Variants in ASTN2 observed in about 807,000 individuals in gnomAD.
ASTN2 encodes the protein astrotactin-2.
Under a neutral mutation model 139.8 loss-of-function variants are expected in ASTN2, and 54 were observed. The ratio of observed to expected loss-of-function variants is 0.39; its 90% CI spans 0.31 to 0.48. The LOEUF is 0.48. ASTN2 is among the 20% of genes least tolerant of loss of function. ASTN2 has a pLI of 0.95. For missense variants in ASTN2, 1,565 were observed against 1,725.1 expected (o/e 0.91, Z 1.64); for synonymous variants, 756 against 719.5 (o/e 1.05, Z -0.81).
intron 2 of ASTN2, among the ~76,000 whole-genome samples, chr9:117,226,183 CTCTTGCCCAAAATGTGACAGA>C (rs1254720819): frequency 6.6e-6 from 1 of 152,192 alleles, no homozygotes; most frequent in Non-Finnish European, 1.5e-5. Flanking sequence ...ATCAAGTACA[CTCTTGCCCAAAATGTGACAGA>C]AGACTGGATA....
At chr9:117,294,330 T>C (rs1413713600) in intron 1 of ASTN2, among the ~76,000 whole-genome samples, 1 of 152,256 alleles carries the variant, frequency 6.6e-6, no homozygotes, top group Non-Finnish European at 1.5e-5. Flanking sequence ...ATAATAACAG[T>C]GTGTGAAACA....
intron 20 of ASTN2, among the ~76,000 whole-genome samples, chr9:116,456,075 T>A (rs776624811): frequency 9.9e-5 from 15 of 151,882 alleles, no homozygotes; most frequent in Non-Finnish European, 1.9e-4. Context: ...TGAAGTCAAA[T>A]TATCCTTATT....
At chr9:116,805,307 T>C (rs1831001965) in intron 13 of ASTN2, among the ~76,000 whole-genome samples, 1 of 152,200 alleles carries the variant, frequency 6.6e-6, no homozygotes, top group Non-Finnish European at 1.5e-5. Flanking sequence ...AAAATACTTA[T>C]TTTTCAGTAG....
At chr9:116,687,307 T>G (rs1033402728) in intron 16 of ASTN2, 5 of 982,302 alleles carry the variant, frequency 5.1e-6, no homozygotes, top group Non-Finnish European at 6.0e-6. Flanking sequence ...CAAGGGGTGC[T>G]CAACGGCGCG....
intron 2 of ASTN2, among the ~76,000 whole-genome samples, chr9:117,268,513 C>G (rs75732660): frequency 3.3e-5 from 5 of 152,146 alleles, no homozygotes; most frequent in African/African-American, 1.2e-4. Context: ...GTGTTCCCAC[C>G]GTCTAAGGTC....
chr9:116,993,252 C>T (rs1247700777), intron 7 of ASTN2, among the ~76,000 whole-genome samples: 1 of 152,124 alleles, frequency 6.6e-6, no homozygotes, highest in African/African-American at 2.4e-5. Context: ...AGCACATTAG[C>T]CTCTATGATC....
chr9:116,980,027 GA>G (rs1836463426), intron 7 of ASTN2, among the ~76,000 whole-genome samples: 3 of 152,070 alleles, frequency 2.0e-5, no homozygotes, highest in African/African-American at 7.2e-5. Flanking sequence ...TTGCAATTAA[GA>G]GGCATTCACC....
At chr9:117,005,662 T>C (rs577690053) in intron 7 of ASTN2, among the ~76,000 whole-genome samples, 1 of 152,282 alleles carries the variant, frequency 6.6e-6, no homozygotes, top group South Asian at 2.1e-4. Context: ...TTCTTGTCAC[T>C]TCCTTTACAG....
chr9:117,344,328 G>T (rs1829150857), intron 1 of ASTN2, among the ~76,000 whole-genome samples: 2 of 152,148 alleles, frequency 1.3e-5, no homozygotes. Context: ...AGGATGCCGG[G>T]CACCAGGGCT....
chr9:116,830,779 G>A (rs1483962457), intron 11 of ASTN2, among the ~76,000 whole-genome samples: 81 of 135,488 alleles, frequency 6.0e-4, no homozygotes, highest in African/African-American at 2.3e-3. Context: ...GCAACAGAGT[G>A]AGACCCTATG....
At chr9:116,635,341 T>A (rs896653611) in intron 17 of ASTN2, among the ~76,000 whole-genome samples, 7 of 152,152 alleles carry the variant, frequency 4.6e-5, no homozygotes, top group African/African-American at 1.4e-4. Context: ...TAAATGTAAA[T>A]CTGGTTGACG....
chr9:116,940,758 A>G (rs551818429), intron 10 of ASTN2, among the ~76,000 whole-genome samples: 3 of 152,316 alleles, frequency 2.0e-5, no homozygotes, highest in African/African-American at 7.2e-5. Flanking sequence ...CCCCAGTAGT[A>G]TCCGGTAATG....
intron 1 of ASTN2, among the ~76,000 whole-genome samples, chr9:117,310,312 G>C (rs1177716780): frequency 4.6e-5 from 7 of 152,112 alleles, no homozygotes; most frequent in Admixed American, 1.3e-4. Context: ...GATCTTGGAG[G>C]CATCTCTGTT....
intron 16 of ASTN2, among the ~76,000 whole-genome samples, chr9:116,656,421 G>A (rs1858214031): frequency 1.3e-5 from 2 of 152,140 alleles, no homozygotes; most frequent in African/African-American, 4.8e-5. Flanking sequence ...TTTTCATGTA[G>A]GCCCTTGCCA....
intron 1 of ASTN2, among the ~76,000 whole-genome samples, chr9:117,392,938 A>G (rs557431789): frequency 3.6e-4 from 55 of 152,220 alleles, no homozygotes; most frequent in Non-Finnish European, 7.2e-4. Flanking sequence ...CACATTAAAA[A>G]TCAAGGTCAT....
intron 17 of ASTN2, among the ~76,000 whole-genome samples, chr9:116,649,278 A>G (rs1209646138): frequency 6.6e-6 from 1 of 151,808 alleles, no homozygotes; most frequent in Non-Finnish European, 1.5e-5. Context: ...GTTGTGCCAT[A>G]TAAAATCTTT....
intron 19 of ASTN2, chr9:116,582,438 T>C (rs780388703): frequency 2.0e-5 from 3 of 152,220 alleles, no homozygotes; most frequent in Non-Finnish European, 4.4e-5. Context: ...CTAATGTCCA[T>C]AGTTAAGAGT....
chr9:117,109,324 C>A (rs990536907), intron 4 of ASTN2, among the ~76,000 whole-genome samples: 1 of 142,652 alleles, frequency 7.0e-6, no homozygotes, highest in Non-Finnish European at 1.5e-5. Context: ...CAGAGGGAGA[C>A]CCTGTCTCAA....
In ASTN2 at chr9:117,393,511, G is replaced by A. The variant is rs1300913989; in HGVS notation, c.442+20986C>T. Among the ~76,000 whole-genome samples, 3 of 152,194 alleles carry A rather than the reference G, an allele frequency of 2.0e-5. No homozygotes were observed. The South Asian group carries it at 6.2e-4, about 31-fold the overall frequency. On this transcript the variant is annotated intron_variant, in intron 1 of 22. Transcript: ENST00000313400. ...AAGGAAACTGAGGAAAGCAAGGAAT[G>A]AGACAAGGATGGGGAGGAGAAAAGA...
Sources: allele counts gnomAD v4.1 joint callset (sites outside exome capture counted in the v4.1 genomes callset), GRCh38; gene constraint gnomAD v4.1.1; transcripts MANE v1.5; gene names NCBI Gene and HGNC (gene_info 2026-07-23, HGNC 2026-07-21).